Variants in ZFHX3 observed in about 807,000 individuals in gnomAD.
ZFHX3 encodes zinc finger homeobox protein 3.
A neutral mutation model predicts 279.1 loss-of-function variants in ZFHX3; 42 were observed. The observed-to-expected ratio is 0.15, with a 90% CI of 0.12 to 0.19. ZFHX3 has a LOEUF of 0.19. Ranked by LOEUF, ZFHX3 falls within the 10% of genes least tolerant of loss-of-function variation. The pLI, the probability that ZFHX3 is intolerant of heterozygous loss-of-function variation, is 1.00. For missense variants in ZFHX3, 4,981 were observed against 4,754.0 expected (o/e 1.05, Z -1.40); for synonymous variants, 2,293 against 1,957.8 (o/e 1.17, Z -4.52).
intron 7 of ZFHX3, among the ~76,000 whole-genome samples, chr16:73,099,743 G>A (rs1303954705): frequency 6.7e-6 from 1 of 149,436 alleles, no homozygotes; most frequent in East Asian, 2.0e-4. Context: ...AGAGAGAAAT[G>A]AGCTCTGTGT....
intron 5 of ZFHX3, among the ~76,000 whole-genome samples, chr16:73,156,460 TC>T (rs1175076931): frequency 2.6e-5 from 4 of 152,146 alleles, no homozygotes; most frequent in African/African-American, 4.8e-5. Context: ...CTACCATGGA[TC>T]CGTCATCATT....
At chr16:72,800,732 A>T (rs1225665898) in intron 7 of ZFHX3, among the ~76,000 whole-genome samples, 1 of 150,240 alleles carries the variant, frequency 6.7e-6, no homozygotes, top group South Asian at 2.1e-4. Context: ...TCAAGCACAA[A>T]CAAGCCTTTT....
chr16:73,225,023 T>C (rs1222842656), intron 5 of ZFHX3, among the ~76,000 whole-genome samples: 1 of 152,210 alleles, frequency 6.6e-6, no homozygotes, highest in African/African-American at 2.4e-5. Context: ...AGACTCACAC[T>C]TTGATTTAAA....
intron 2 of ZFHX3, among the ~76,000 whole-genome samples, chr16:73,593,458 A>G (rs1350800570): frequency 6.6e-6 from 1 of 152,116 alleles, no homozygotes; most frequent in Non-Finnish European, 1.5e-5. Flanking sequence ...TGAAGAGTTT[A>G]TTTATCATTA....
At chr16:73,588,864 G>A (rs997438174) in intron 2 of ZFHX3, among the ~76,000 whole-genome samples, 6 of 152,164 alleles carry the variant, frequency 3.9e-5, no homozygotes, top group African/African-American at 1.4e-4. Context: ...AAGATTGAGA[G>A]AGAACATGGA....
intron 3 of ZFHX3, among the ~76,000 whole-genome samples, chr16:73,452,787 G>C (rs957817877): frequency 1.3e-5 from 2 of 152,214 alleles, no homozygotes; most frequent in African/African-American, 4.8e-5. Context: ...GGAATTGGGA[G>C]CAAGAAATTT....
intron 5 of ZFHX3, among the ~76,000 whole-genome samples, chr16:73,224,038 G>A (rs1202015641): frequency 6.6e-6 from 1 of 152,198 alleles, no homozygotes; most frequent in Non-Finnish European, 1.5e-5. Context: ...GGAGGGATGA[G>A]TAGGCAGGGC....
chr16:73,647,860 G>GA (rs753886718), intron 2 of ZFHX3, among the ~76,000 whole-genome samples: 2 of 151,808 alleles, frequency 1.3e-5, no homozygotes, highest in East Asian at 1.9e-4. Flanking sequence ...AAACCCAAAT[G>GA]AAAAAATGGG....
rs869112188 is a variant in ZFHX3, at chr16:73,815,560, C to CT, written c.-1608+76090dup. 7.8e-3 allele frequency: 1,133 copies of CT among 144,828 alleles called. 10 individuals are homozygous for CT. Among genetic ancestry groups the CT allele is most frequent in the African/African-American group, 0.021 (838 of 39,804 alleles). The allele number at this position is 144,828 out of a possible 1,614,324, so 9.0% of individuals were successfully genotyped here. A position where few individuals can be genotyped will look rare whatever the true frequency, so the allele number is the denominator to read the frequency against. On this transcript the variant is annotated intron_variant, in intron 1 of 17. Coordinates refer to the ZFHX3 transcript ENST00000641206. ...ACTGTTTACCTATTTTCTGTCTTTC[C>CT]TTTTTTTTTTTTTCTTTTTGGAGAC... is the stretch of plus-strand genomic sequence containing the variant.
At position 72,854,372 on chromosome 16, in the gene ZFHX3, C is replaced by A. The variant is rs543672654; in HGVS notation, c.3449-24513G>T. Among the ~76,000 whole-genome samples, 17 of 152,268 alleles carry A rather than the reference C, an allele frequency of 1.1e-4. No individual in the cohort carries two copies. In the South Asian group the frequency reaches 3.5e-3, roughly 32 times the overall value. ...GCGGTTGTGTGCGAGTCTCTCCCTG[C>A]CCTTGATCAAGAGCAAATCTGGAAG... On this transcript the variant is annotated intron_variant, in intron 4 of 9. Transcript: ENST00000268489.
chr16:73,384,630 T>A (rs952190919), intron 3 of ZFHX3, among the ~76,000 whole-genome samples: 1 of 152,224 alleles, frequency 6.6e-6, no homozygotes, highest in Non-Finnish European at 1.5e-5. Context: ...TGGACATCCC[T>A]GTTTCTCACC....
intron 8 of ZFHX3, among the ~76,000 whole-genome samples, chr16:73,088,870 A>AATG (rs1966040127): frequency 6.6e-6 from 1 of 152,272 alleles, no homozygotes; most frequent in African/African-American, 2.4e-5. Context: ...GACCCTACAT[A>AATG]GATCCTGAAA....
chr16:73,538,184 T>A (rs2019940980), intron 2 of ZFHX3, among the ~76,000 whole-genome samples: 2 of 151,980 alleles, frequency 1.3e-5, no homozygotes, highest in South Asian at 4.1e-4. Flanking sequence ...ATGACTGTTA[T>A]ATCATTGTGT....
intron 5 of ZFHX3, among the ~76,000 whole-genome samples, chr16:73,179,857 G>C (rs1048586794): frequency 9.9e-5 from 15 of 152,086 alleles, no homozygotes; most frequent in African/African-American, 2.7e-4. Flanking sequence ...CCTTCAGAAG[G>C]GGGACCCACT....
At chr16:73,467,754 G>A (rs182821766) in intron 2 of ZFHX3, among the ~76,000 whole-genome samples, 51 of 152,226 alleles carry the variant, frequency 3.4e-4, no homozygotes, top group African/African-American at 1.0e-3. Flanking sequence ...ATCAACCCTC[G>A]TCCTCATTGG....
chr16:73,046,731 C>T (rs1014962714), intron 1 of ZFHX3, among the ~76,000 whole-genome samples: 1 of 152,168 alleles, frequency 6.6e-6, no homozygotes, highest in Non-Finnish European at 1.5e-5. Flanking sequence ...TGATGTGTAA[C>T]TTTCTCACAA....
At chr16:73,119,310 T>C (rs12149930) in intron 7 of ZFHX3, among the ~76,000 whole-genome samples, 67,656 of 151,840 alleles carry the variant, frequency 0.45, 16,728 homozygotes, top group Middle Eastern at 0.6. Flanking sequence ...CCCCACTATG[T>C]TGTCTAGGCT....
rs151002693 is a variant in ZFHX3, at chr16:73,854,388, G to A, written c.-1608+37263C>T. Among the ~76,000 whole-genome samples the A allele has an allele frequency of 5.7e-3, 872 of 152,108 alleles. 6 individuals carry two copies. Among genetic ancestry groups the A allele is most frequent in the African/African-American group, 0.012 (483 of 41,506 alleles). On this transcript the variant is annotated intron_variant, in intron 1 of 17. Coordinates refer to the ZFHX3 transcript ENST00000641206. ...TAAAAAATACAAAAATTAGCTGGGC[G>A]TGGTAGGAGGCACCTGTAGTCCCAG...
chr16:72,903,965 C>G (rs1386442373), intron 3 of ZFHX3, among the ~76,000 whole-genome samples: 1 of 152,210 alleles, frequency 6.6e-6, no homozygotes, highest in East Asian at 1.9e-4. Context: ...CTATGCTGTG[C>G]GTGTTGCAAA....
Sources: allele counts gnomAD v4.1 joint callset (sites outside exome capture counted in the v4.1 genomes callset), GRCh38; gene constraint gnomAD v4.1.1; transcripts MANE v1.5; gene names NCBI Gene and HGNC (gene_info 2026-07-23, HGNC 2026-07-21).